Variants in SLC1A5 observed in about 807,000 individuals in gnomAD.
SLC1A5 encodes the protein solute carrier family 1 member 5.
Under a neutral mutation model 34.9 loss-of-function variants are expected in SLC1A5, and 25 were observed. The ratio of observed to expected loss-of-function variants is 0.72; its 90% CI spans 0.52 to 1.00. The LOEUF (loss-of-function observed/expected upper bound fraction) is 1.00, where lower values mean the gene tolerates loss of function less well. Among genes scored for constraint, SLC1A5 ranks in the 50% least tolerant of loss-of-function variants. The pLI is 0.00. For missense variants in SLC1A5, 637 were observed against 740.0 expected (o/e 0.86, Z 1.61); for synonymous variants, 351 against 341.2 (o/e 1.03, Z -0.32).
In SLC1A5 at chr19:46,788,179, T is replaced by C. The variant is rs1307591344; in HGVS notation, c.-214A>G. 3.6e-6 allele frequency: 2 copies of C among 551,542 alleles called. No homozygotes were observed. Among genetic ancestry groups the C allele is most frequent in the Non-Finnish European group, 6.3e-6 (2 of 318,938 alleles). 34.2% of individuals were successfully genotyped at this position (551,542 alleles called of 1,614,324 possible). On this transcript the variant is annotated 5_prime_UTR_variant, in exon 1 of 8. Coordinates refer to ENST00000542575, the MANE Select transcript of SLC1A5 (RefSeq NM_005628.3). ...ATTCCCCAGGCTGGGCGCTGAGGCT[T>C]CTCTGCTCTGCCCCGTGTGCCAGAT...
At chr19:46,778,933 T>C (rs751498803) in intron 4 of SLC1A5, 25 bp from the exon 5 acceptor site, 102 of 1,504,886 alleles carry the variant, frequency 6.8e-5, no homozygotes, top group Admixed American at 5.7e-4. Context: ...AGGAGACAGC[T>C]TGTTGCCTCT....
At chr19:46,786,913 G>A (rs1438426188) in intron 1 of SLC1A5, among the ~76,000 whole-genome samples, 1 of 152,170 alleles carries the variant, frequency 6.6e-6, no homozygotes, top group African/African-American at 2.4e-5. Context: ...GGTTATGTCC[G>A]AGTGACACGT....
intron 4 of SLC1A5, among the ~76,000 whole-genome samples, chr19:46,779,721 G>A (rs578166019): frequency 6.1e-4 from 92 of 152,052 alleles, no homozygotes; most frequent in Middle Eastern, 3.4e-3. Context: ...GCAACACAGC[G>A]AGACCCAGTC....
Position 46,788,221 on chromosome 19 carries a change from T to G in SLC1A5, c.-256A>C. ...GTGCCAGATGTCCGAAAGCTGGGAGTTCGGAGCGCCCGGGTTCCTTGGCCC... is the reference window on the plus strand; with the variant it reads ...GTGCCAGATGTCCGAAAGCTGGGAGGTCGGAGCGCCCGGGTTCCTTGGCCC... On this transcript the variant is annotated 5_prime_UTR_variant, in exon 1 of 8. Coordinates refer to ENST00000542575, the MANE Select transcript of SLC1A5 (RefSeq NM_005628.3). 1 of 463,242 alleles carries G rather than the reference T, an allele frequency of 2.2e-6. No homozygotes were observed. The highest frequency in any genetic ancestry group is 3.8e-6 in the Non-Finnish European group (1 of 264,988). 28.7% of individuals were successfully genotyped at this position (463,242 alleles called of 1,614,324 possible).
chr19:46,782,511 C>G lies in SLC1A5; in HGVS notation c.696G>C (p.Leu232=), dbSNP rs1196092477. 1 of 1,614,002 alleles carries G rather than the reference C, an allele frequency of 6.2e-7. No individual in the cohort carries two copies. The highest frequency in any genetic ancestry group is 1.3e-5 in the African/African-American group (1 of 74,932). The change falls in exon 4 of 8, where the codon CTG becomes CTC. Residue 232 remains leucine (L), a synonymous_variant. Coordinates refer to ENST00000542575, the MANE Select transcript of SLC1A5 (RefSeq NM_005628.3). Reference sequence around the variant, plus strand: ...AGACGATGGCAAACACTACCAAGCCCAGGATGTTCATCCCCTCCACCTCCT... The same window carrying G: ...AGACGATGGCAAACACTACCAAGCCGAGGATGTTCATCCCCTCCACCTCCT... ...VGQEVEGMNI[L]GLVVFAIVFG...
chr19:46,777,112 G>A lies in SLC1A5; in HGVS notation c.1254-3C>T. 1 of 1,613,504 alleles carries A rather than the reference G, an allele frequency of 6.2e-7. No homozygotes were observed. ...CGCTGGACGCTGTGGCCGTGACCCT[G>A]AGGGAGAAGGTGGGAGGTTAGGCAG... On this transcript the variant is annotated splice_polypyrimidine_tract_variant and splice_region_variant and intron_variant, in intron 6 of 7. Coordinates refer to ENST00000542575, the MANE Select transcript of SLC1A5 (RefSeq NM_005628.3).
At chr19:46,777,532 C>T (rs313835) in intron 5 of SLC1A5, 127 bp from the exon 6 acceptor site, 605,795 of 823,964 alleles carry the variant, frequency 0.74, 224,794 homozygotes, top group African/African-American at 0.9. Flanking sequence ...CCACCCCACC[C>T]AGTGGATCCC....
rs1276610846 is a variant in SLC1A5 at position 46,775,441 on chromosome 19, T to G, written c.*69A>C. On this transcript the variant is annotated 3_prime_UTR_variant, in exon 8 of 8. Transcript: ENST00000542575. ...ACCCCCAGAGCCCTAGCTCATCCATTTATCCATTCCTCATAATCCAGTGTC... is the reference window on the plus strand; with the variant it reads ...ACCCCCAGAGCCCTAGCTCATCCATGTATCCATTCCTCATAATCCAGTGTC... The G allele has an allele frequency of 4.5e-6, 7 of 1,539,972 alleles. No homozygotes were observed. The highest frequency in any genetic ancestry group is 5.2e-6 in the Non-Finnish European group (6 of 1,145,040).
Position 46,787,097 on chromosome 19 carries a change from G to T in SLC1A5, c.566+303C>A, listed in dbSNP as rs956065395. ...TTCCCCCCGCAAAAGTTCCTCCTGG[G>T]GTCCCCTCCCCTCAGTGTCTTTCTC... On this transcript the variant is annotated intron_variant, in intron 1 of 7. Transcript: ENST00000542575. The surrounding 1 kb of genome is among the most constrained non-coding windows in gnomAD (Gnocchi z 5.2). 6 of 566,326 alleles carry T rather than the reference G, an allele frequency of 1.1e-5. No homozygotes were observed. The highest frequency in any genetic ancestry group is 1.6e-5 in the Non-Finnish European group (6 of 385,800). The allele number at this position is 566,326 out of a possible 1,614,324, so 35.1% of individuals were successfully genotyped here.
rs367565969 is a variant in SLC1A5, at chr19:46,784,647, C to G, written c.567-88G>C. The G allele has an allele frequency of 1.9e-6, 3 of 1,611,402 alleles. No individual in the cohort carries two copies. In the African/African-American group the frequency reaches 4.0e-5, roughly 22 times the overall value. On this transcript the variant is annotated intron_variant, in intron 1 of 7. Transcript: ENST00000542575. ...AGGCTGGGTTGGCGTTTTAAGGCAG[C>G]GAGTGGAAGCTTTGGGGGCCCGCCT...
rs542885033 is a variant in SLC1A5, at chr19:46,775,164, G to A, written c.*346C>T. 3.8e-6 allele frequency: 4 copies of A among 1,059,894 alleles called. No individual in the cohort carries two copies. The highest frequency in any genetic ancestry group is 6.8e-5 in the South Asian group (2 of 29,532). The allele number at this position is 1,059,894 out of a possible 1,614,324, so 65.7% of individuals were successfully genotyped here. ...TGGTGTTGTAACATCCCCCCAGTGG[G>A]GGCTAGAATTCCCCATGGTGACCTG... is the stretch of plus-strand genomic sequence containing the variant. On this transcript the variant is annotated 3_prime_UTR_variant, in exon 8 of 8. Transcript: ENST00000542575.
At chr19:46,779,349 G>C (rs1287867024) in intron 4 of SLC1A5, among the ~76,000 whole-genome samples, 2 of 151,668 alleles carry the variant, frequency 1.3e-5, no homozygotes, top group Non-Finnish European at 2.9e-5. Flanking sequence ...GCTTGAATCA[G>C]GGAGGCAGAG....
At chr19:46,775,778 C>CT (rs1218237909) in intron 7 of SLC1A5, 31 bp from the exon 8 acceptor site, 5 of 1,599,248 alleles carry the variant, frequency 3.1e-6, no homozygotes, top group Non-Finnish European at 4.3e-6. Flanking sequence ...GCAAAGTAAG[C>CT]GGGAGGGGAG....
chr19:46,784,028 G>T (rs2055167682), intron 3 of SLC1A5, 69 bp downstream of exon 3: 1 of 1,270,210 alleles, frequency 7.9e-7, no homozygotes, highest in Non-Finnish European at 1.1e-6. Context: ...GACTAAGGCA[G>T]AAATAAAACC....
intron 1 of SLC1A5, among the ~76,000 whole-genome samples, chr19:46,785,953 G>A (rs562483439): frequency 2.0e-5 from 3 of 152,008 alleles, no homozygotes; most frequent in East Asian, 1.9e-4. Flanking sequence ...GGTGGCACAC[G>A]GAAGGCTGAG....
At position 46,787,345 on chromosome 19, in the gene SLC1A5, C is replaced by G. The variant is rs2055193470; in HGVS notation, c.566+55G>C. The G allele has an allele frequency of 5.2e-6, 8 of 1,549,850 alleles. No homozygotes were observed. Among genetic ancestry groups the G allele is most frequent in the Non-Finnish European group, 7.0e-6 (8 of 1,147,130 alleles). ...CCAAAGCCCCGTCCTGTCCACGTGA[C>G]CACTCCCGCCATCCGTAACACTCTT... On this transcript the variant is annotated intron_variant, in intron 1 of 7. Coordinates refer to ENST00000542575, the MANE Select transcript of SLC1A5 (RefSeq NM_005628.3). The surrounding 1 kb of genome is among the most constrained non-coding windows in gnomAD (Gnocchi z 5.2).
At chr19:46,782,812 AG>A (rs1427010510) in intron 3 of SLC1A5, among the ~76,000 whole-genome samples, 1 of 152,140 alleles carries the variant, frequency 6.6e-6, no homozygotes, top group Non-Finnish European at 1.5e-5. Context: ...GGGGGCAGTC[AG>A]GGGGGACTTC....
rs761704155 is a variant in SLC1A5, at chr19:46,777,190, C to T, written c.1253+21G>A. 6 of 1,600,758 alleles carry T rather than the reference C, an allele frequency of 3.7e-6. No homozygotes were observed. In the Admixed American group the frequency reaches 6.8e-5, roughly 18 times the overall value. On this transcript the variant is annotated intron_variant, in intron 6 of 7. Transcript: ENST00000542575. ...GTCAACAGGGGTCCGGGGGTCCCAT[C>T]CGCAGCCCCCTGACACTCACAGGAT...
chr19:46,786,187 A>C (rs1429968188), intron 1 of SLC1A5, among the ~76,000 whole-genome samples: 3 of 152,176 alleles, frequency 2.0e-5, no homozygotes, highest in Non-Finnish European at 4.4e-5. Context: ...GCTGTGCTAC[A>C]GGGGTCTTAG....
Sources: allele counts gnomAD v4.1 joint callset (sites outside exome capture counted in the v4.1 genomes callset), GRCh38; gene constraint gnomAD v4.1.1; non-coding constraint Gnocchi (gnomAD v3.1); transcripts MANE v1.5; gene names NCBI Gene and HGNC (gene_info 2026-07-23, HGNC 2026-07-21).